The following PDZRN3 variants were observed in gnomAD, a reference collection of about 807,000 sequenced individuals.
The protein encoded by PDZRN3 is PDZ domain containing ring finger 3, also known as E3 ubiquitin-protein ligase PDZRN3.
A neutral mutation model predicts 85.7 loss-of-function variants in PDZRN3; 38 were observed. That is an observed-to-expected ratio of 0.44 (90% CI 0.34 to 0.58). The LOEUF is 0.58. Ranked by LOEUF, PDZRN3 falls within the 20% of genes least tolerant of loss-of-function variation. The pLI, the probability that PDZRN3 is intolerant of heterozygous loss-of-function variation, is 0.01. For synonymous variants in PDZRN3, 759 were observed against 638.0 expected, an observed-to-expected ratio of 1.19 and a Z score of -2.86; for missense variants, 1,629 against 1,506.4, an observed-to-expected ratio of 1.08 and a Z score of -1.35.
intron 3 of PDZRN3, among the ~76,000 whole-genome samples, chr3:73,590,605 C>A (rs547749189): frequency 1.3e-4 from 20 of 152,170 alleles, no homozygotes; most frequent in Non-Finnish European, 2.6e-4. Context: ...TTCAAATTTA[C>A]CTTGTAAAAT....
intron 3 of PDZRN3, among the ~76,000 whole-genome samples, chr3:73,568,022 GT>G (rs1701978772): frequency 6.6e-6 from 1 of 152,232 alleles, no homozygotes; most frequent in Non-Finnish European, 1.5e-5. Context: ...GGGAAAAGCA[GT>G]TTAACCTCCA....
intron 1 of PDZRN3, among the ~76,000 whole-genome samples, chr3:73,612,423 T>C (rs1209201645): frequency 6.6e-6 from 1 of 152,224 alleles, no homozygotes; most frequent in Non-Finnish European, 1.5e-5. Context: ...TTAATTCATC[T>C]GGCAATTAGA....
Position 73,546,651 on chromosome 3 carries a change from T to G in PDZRN3, c.918+55703A>C, listed in dbSNP as rs188380326. ...ATGGCTTTCCAACTTGTCTAAAACATTTTATAGTTGCCCTGAAATATTTCA... is the reference window on the plus strand; with the variant it reads ...ATGGCTTTCCAACTTGTCTAAAACAGTTTATAGTTGCCCTGAAATATTTCA... On this transcript the variant is annotated intron_variant, in intron 3 of 9. Transcript: ENST00000263666. Among the ~76,000 whole-genome samples the G allele has an allele frequency of 4.4e-3, 664 of 152,324 alleles. 8 individuals are homozygous for G. Among genetic ancestry groups the G allele is most frequent in the African/African-American group, 0.015 (630 of 41,580 alleles).
At chr3:73,497,661 G>GT (rs1289083997) in intron 3 of PDZRN3, among the ~76,000 whole-genome samples, 2 of 152,182 alleles carry the variant, frequency 1.3e-5, no homozygotes, top group Non-Finnish European at 2.9e-5. Flanking sequence ...AGCTTAAACA[G>GT]TTATCAACGT....
rs1702942003 is a variant in PDZRN3 at position 73,624,702 on chromosome 3, C to T, written c.124G>A (p.Val42Met). The T allele has an allele frequency of 6.6e-7, 1 of 1,525,088 alleles. No individual in the cohort carries two copies. Among genetic ancestry groups the T allele is most frequent in the Non-Finnish European group, 8.7e-7 (1 of 1,142,980 alleles). 94.5% of individuals were successfully genotyped at this position (1,525,088 alleles called of 1,614,324 possible). Residue 42 changes from valine to methionine, a missense_variant, in exon 1 of 10, where the codon GTG becomes ATG. By Grantham distance (21) the Val-to-Met change is conservative (BLOSUM62 1). Coordinates refer to ENST00000263666, the MANE Select transcript of PDZRN3 (RefSeq NM_015009.3). The part of the protein sequence containing the change: ...PCGHVFCAGC[V>M]LPWVVQEGSC... ...CCCTCCTGCACCACCCAGGGCAGCA[C>T]GCAGCCGGCGCAGAAGACGTGGCCG... is the stretch of plus-strand genomic sequence containing the variant.
In PDZRN3 at chr3:73,383,704, G is replaced by A. The variant is rs759425035; in HGVS notation, c.2862C>T (p.Arg954=). The change falls in exon 10 of 10, where the codon CGC becomes CGT. Residue 954 remains arginine, a synonymous_variant. Coordinates refer to ENST00000263666, the MANE Select transcript of PDZRN3 (RefSeq NM_015009.3). The part of the protein sequence containing the change: ...RERALKIREE[R]SGMTTDDDAV... ...CGTCGTCGTCGGTGGTCATGCCGCTGCGCTCTTCCCGGATCTTCAGGGCGC... is the reference window on the plus strand; with the variant it reads ...CGTCGTCGTCGGTGGTCATGCCGCTACGCTCTTCCCGGATCTTCAGGGCGC... 1 of 1,611,486 alleles carries A rather than the reference G, an allele frequency of 6.2e-7. No homozygotes were observed. The highest frequency in any genetic ancestry group is 8.5e-7 in the Non-Finnish European group (1 of 1,180,002).
At chr3:73,423,122 G>C (rs1430413463) in intron 3 of PDZRN3, among the ~76,000 whole-genome samples, 1 of 152,184 alleles carries the variant, frequency 6.6e-6, no homozygotes. Flanking sequence ...TTGTGATTCT[G>C]AGGGGAAATA....
intron 3 of PDZRN3, among the ~76,000 whole-genome samples, chr3:73,556,244 G>A (rs929634049): frequency 7.2e-5 from 11 of 151,924 alleles, no homozygotes; most frequent in South Asian, 2.1e-4. Flanking sequence ...TATTTAAATC[G>A]AAAGTTAAGA....
chr3:73,423,174 A>G (rs1292622622), intron 3 of PDZRN3, among the ~76,000 whole-genome samples: 1 of 152,246 alleles, frequency 6.6e-6, no homozygotes, highest in Non-Finnish European at 1.5e-5. Flanking sequence ...AAATATTGTT[A>G]TGAAGGATAG....
chr3:73,412,928 T>TG (rs1261309192), intron 3 of PDZRN3, among the ~76,000 whole-genome samples: 1 of 152,110 alleles, frequency 6.6e-6, no homozygotes, highest in Non-Finnish European at 1.5e-5. Flanking sequence ...GTGAGACACA[T>TG]GGGGGTCTAA....
chr3:73,621,338 A>G (rs996467490), intron 1 of PDZRN3, among the ~76,000 whole-genome samples: 19 of 152,252 alleles, frequency 1.2e-4, no homozygotes, highest in African/African-American at 4.3e-4. Flanking sequence ...AAGAGCTGGT[A>G]CTGAAAATCT....
chr3:73,594,744 A>G (rs1455740206), intron 3 of PDZRN3, among the ~76,000 whole-genome samples: 1 of 152,180 alleles, frequency 6.6e-6, no homozygotes, highest in African/African-American at 2.4e-5. Flanking sequence ...AGTAAAGACT[A>G]TTAAGGTAAA....
intron 3 of PDZRN3, among the ~76,000 whole-genome samples, chr3:73,419,328 G>A (rs557242303): frequency 1.3e-5 from 2 of 152,274 alleles, no homozygotes; most frequent in African/African-American, 4.8e-5. Flanking sequence ...GAGGGTACAA[G>A]GAGATGACGG....
Position 73,560,840 on chromosome 3 carries a change from C to G in PDZRN3, c.918+41514G>C, listed in dbSNP as rs184956803. 4.7e-4 allele frequency among the ~76,000 whole-genome samples: 72 copies of G among 152,280 alleles called. 1 individual carries two copies. Among genetic ancestry groups the G allele is most frequent in the African/African-American group, 1.7e-3 (70 of 41,568 alleles). On this transcript the variant is annotated intron_variant, in intron 3 of 9. Transcript: ENST00000263666. ...AAGATTTCTTAATGCAGAAAGCCCC[C>G]TAGGCTCCAGGTGACTGACAATGAG... is the stretch of plus-strand genomic sequence containing the variant.
chr3:73,438,531 G>C (rs954240891), intron 3 of PDZRN3, among the ~76,000 whole-genome samples: 1 of 152,198 alleles, frequency 6.6e-6, no homozygotes, highest in Non-Finnish European at 1.5e-5. Flanking sequence ...AAGTGAGATG[G>C]CAGGACTGAG....
chr3:73,465,178 T>C lies in PDZRN3; in HGVS notation c.919-60783A>G, dbSNP rs1703188073. Among the ~76,000 whole-genome samples the C allele has an allele frequency of 3.3e-5, 5 of 152,194 alleles. No homozygotes were observed. In the South Asian group the frequency reaches 1.0e-3, roughly 32 times the overall value. On this transcript the variant is annotated intron_variant, in intron 3 of 9. Coordinates refer to ENST00000263666, the MANE Select transcript of PDZRN3 (RefSeq NM_015009.3). Reference sequence around the variant, plus strand: ...AAAGCACTCACAGGCAGAGTCGGTATAAAATCCATCACTTTATCTCCGGAG... The same window carrying C: ...AAAGCACTCACAGGCAGAGTCGGTACAAAATCCATCACTTTATCTCCGGAG...
At chr3:73,402,941 C>CTTTTTTTTTTTTTTTTTTTTTTTT (rs140037400) in intron 4 of PDZRN3, among the ~76,000 whole-genome samples, 3 of 115,652 alleles carry the variant, frequency 2.6e-5, no homozygotes, top group African/African-American at 1.1e-4. Flanking sequence ...ACATGAAAAG[C>CTTTTTTTTTTTTTTTTTTTTTTTT]TTTTTTTTTT....
At chr3:73,600,337 A>ACACACACTCTCTCTCTCTCTCTCTCT (rs34405662) in intron 3 of PDZRN3, among the ~76,000 whole-genome samples, 52 of 100,064 alleles carry the variant, frequency 5.2e-4, no homozygotes, top group African/African-American at 2.0e-3. Context: ...ACACACACAC[A>ACACACACTCTCTCTCTCTCTCTCTCT]CTCTCTCTCT....
intron 5 of PDZRN3, among the ~76,000 whole-genome samples, chr3:73,399,374 C>A (rs1270980183): frequency 1.3e-5 from 2 of 152,148 alleles, no homozygotes; most frequent in Admixed American, 1.3e-4. Context: ...GAAATATAAA[C>A]AGGTACTTGG....
Sources: gnomAD v4.1 joint callset for allele counts (sites outside exome capture counted in the v4.1 genomes callset) on GRCh38, gnomAD v4.1.1 for gene constraint, MANE v1.5 for transcripts, NCBI Gene and HGNC (gene_info 2026-07-23, HGNC 2026-07-21) for gene names.